Variants in KCNB2 observed in about 807,000 individuals in gnomAD.
The protein encoded by KCNB2 is delayed rectifier potassium channel protein.
Under a neutral mutation model 61.5 loss-of-function variants are expected in KCNB2, and 15 were observed. The ratio of observed to expected loss-of-function variants is 0.24; its 90% confidence interval spans 0.16 to 0.38. The LOEUF is 0.38. KCNB2 is among the 10% of genes least tolerant of loss of function. The pLI is 1.00. For synonymous variants in KCNB2, 457 were observed against 446.0 expected, an observed-to-expected ratio of 1.02 and a Z score of -0.31; for missense variants, 828 against 1,125.2, an observed-to-expected ratio of 0.74 and a Z score of 3.78.
intron 2 of KCNB2, among the ~76,000 whole-genome samples, chr8:72,781,582 G>A (rs111556986): frequency 0.022 from 3,384 of 152,184 alleles, 70 homozygotes; most frequent in African/African-American, 0.055. Flanking sequence ...GTCTGTTTTT[G>A]TACCAGTACC....
chr8:72,744,046 TA>T (rs1390369610), intron 2 of KCNB2, among the ~76,000 whole-genome samples: 2 of 152,130 alleles, frequency 1.3e-5, no homozygotes, highest in East Asian at 3.8e-4. Context: ...GAGACAATAT[TA>T]ACTTTTAAAA....
chr8:72,757,395 G>C (rs1450579548), intron 2 of KCNB2, among the ~76,000 whole-genome samples: 1 of 152,172 alleles, frequency 6.6e-6, no homozygotes, highest in Non-Finnish European at 1.5e-5. Flanking sequence ...ACATGGCTGT[G>C]AATGGAAAGA....
At chr8:72,857,513 G>A (rs905564350) in intron 2 of KCNB2, among the ~76,000 whole-genome samples, 1 of 151,746 alleles carries the variant, frequency 6.6e-6, no homozygotes, top group African/African-American at 2.4e-5. Context: ...TGGAGGTCAA[G>A]TTCACAAAGA....
intron 2 of KCNB2, among the ~76,000 whole-genome samples, chr8:72,628,120 A>G (rs1001305620): frequency 2.0e-5 from 3 of 151,872 alleles, no homozygotes; most frequent in Non-Finnish European, 4.4e-5. Context: ...TGCCTGGCTA[A>G]TTTTTGTATT....
At chr8:72,602,592 CTG>C (rs1805371553) in intron 2 of KCNB2, among the ~76,000 whole-genome samples, 1 of 152,044 alleles carries the variant, frequency 6.6e-6, no homozygotes, top group East Asian at 1.9e-4. Flanking sequence ...AGTAAAATGA[CTG>C]TTGCCGAAGC....
At position 72,742,201 on chromosome 8, in the gene KCNB2, A is replaced by G. The variant is rs1460529254; in HGVS notation, c.579+173888A>G. Among the ~76,000 whole-genome samples the G allele has an allele frequency of 3.3e-5, 5 of 152,186 alleles. No individual in the cohort carries two copies. The East Asian group carries it at 5.8e-4, about 18-fold the overall frequency. Reference sequence around the variant, plus strand: ...AATTAAGGCTTCTTTAGATTTTGCCATAGTTTAAAACTGTATTTGTTCACC... The same window carrying G: ...AATTAAGGCTTCTTTAGATTTTGCCGTAGTTTAAAACTGTATTTGTTCACC... On this transcript the variant is annotated intron_variant, in intron 2 of 2. Transcript: ENST00000523207.
chr8:72,801,647 C>A (rs1370900235), intron 2 of KCNB2, among the ~76,000 whole-genome samples: 1 of 152,018 alleles, frequency 6.6e-6, no homozygotes, highest in African/African-American at 2.4e-5. Context: ...GTAAACTCTT[C>A]GCTATAATAC....
At chr8:72,547,153 T>C (rs1806271443) in intron 1 of KCNB2, among the ~76,000 whole-genome samples, 1 of 152,238 alleles carries the variant, frequency 6.6e-6, no homozygotes, top group Non-Finnish European at 1.5e-5. Flanking sequence ...TTTACTGATA[T>C]TTTAAGCCCA....
At chr8:72,784,378 T>G (rs1322715565) in intron 2 of KCNB2, among the ~76,000 whole-genome samples, 1 of 152,220 alleles carries the variant, frequency 6.6e-6, no homozygotes, top group Admixed American at 6.5e-5. Flanking sequence ...TCTGGCTTAC[T>G]TCTCTTATCA....
At chr8:72,715,384 A>G (rs1470319387) in intron 2 of KCNB2, among the ~76,000 whole-genome samples, 1 of 152,226 alleles carries the variant, frequency 6.6e-6, no homozygotes. Context: ...CACCACACCT[A>G]TTCCAAAATT....
At chr8:72,782,588 C>G (rs952379736) in intron 2 of KCNB2, among the ~76,000 whole-genome samples, 5 of 152,126 alleles carry the variant, frequency 3.3e-5, no homozygotes, top group Admixed American at 3.3e-4. Context: ...GACCCCAAGC[C>G]TGGAGCTCCT....
chr8:72,919,149 C>T (rs1030030651), intron 2 of KCNB2, among the ~76,000 whole-genome samples: 2 of 152,224 alleles, frequency 1.3e-5, no homozygotes, highest in South Asian at 2.1e-4. Context: ...TATATGCATG[C>T]GTATGTTACA....
At chr8:72,612,032 T>C (rs1805550496) in intron 2 of KCNB2, among the ~76,000 whole-genome samples, 1 of 152,128 alleles carries the variant, frequency 6.6e-6, no homozygotes, top group South Asian at 2.1e-4. Flanking sequence ...TGAGTTCAAG[T>C]GAAATAGTAT....
intron 2 of KCNB2, among the ~76,000 whole-genome samples, chr8:72,642,934 G>T (rs1806078793): frequency 6.6e-6 from 1 of 152,156 alleles, no homozygotes; most frequent in Non-Finnish European, 1.5e-5. Context: ...ACATTTTAAA[G>T]CTTTTAGCCT....
In KCNB2 at chr8:72,915,048, G is replaced by A. The variant is rs141255776; in HGVS notation, c.580-20887G>A. Among the ~76,000 whole-genome samples, 40 of 152,032 alleles carry A rather than the reference G, an allele frequency of 2.6e-4. 1 individual carries two copies. The East Asian group carries it at 7.6e-3, about 29-fold the overall frequency. ...GCCTCCTGAGTAGCTGGGATTACAG[G>A]CATGCACCACCATGCCCCGCTAATT... On this transcript the variant is annotated intron_variant, in intron 2 of 2. Coordinates refer to ENST00000523207, the MANE Select transcript of KCNB2 (RefSeq NM_004770.3).
rs917303772 is a variant in KCNB2, at chr8:72,667,081, C to G, written c.579+98768C>G. Among the ~76,000 whole-genome samples, 4 of 151,754 alleles carry G rather than the reference C, an allele frequency of 2.6e-5. No individual in the cohort carries two copies. The South Asian group carries it at 8.3e-4, about 32-fold the overall frequency. Reference sequence around the variant, plus strand: ...GAGAAAGAGAGAAACTGAGATACTTCGGGCAAGTTATGTAAATTCTCTATG... The same window carrying G: ...GAGAAAGAGAGAAACTGAGATACTTGGGGCAAGTTATGTAAATTCTCTATG... On this transcript the variant is annotated intron_variant, in intron 2 of 2. Transcript: ENST00000523207.
chr8:72,565,450 G>C (rs1221105131), intron 1 of KCNB2, among the ~76,000 whole-genome samples: 1 of 152,118 alleles, frequency 6.6e-6, no homozygotes, highest in African/African-American at 2.4e-5. Context: ...TGTGAAACAT[G>C]ATGTTTTACA....
intron 2 of KCNB2, among the ~76,000 whole-genome samples, chr8:72,651,658 G>A (rs1047831869): frequency 6.6e-6 from 1 of 151,896 alleles, no homozygotes; most frequent in Non-Finnish European, 1.5e-5. Context: ...TCAATTCCAA[G>A]CACTTTTTGA....
chr8:72,886,274 C>T (rs1399159669), intron 2 of KCNB2, among the ~76,000 whole-genome samples: 1 of 152,184 alleles, frequency 6.6e-6, no homozygotes, highest in Non-Finnish European at 1.5e-5. Flanking sequence ...TGCATTGTCA[C>T]CTTGTAGAAT....
Sources: gnomAD v4.1 joint callset for allele counts (sites outside exome capture counted in the v4.1 genomes callset) on GRCh38, gnomAD v4.1.1 for gene constraint, MANE v1.5 for transcripts, NCBI Gene and HGNC (gene_info 2026-07-23, HGNC 2026-07-21) for gene names.